CDH12: variants seen among roughly 807,000 people sequenced by gnomAD.
CDH12 encodes the protein cadherin 12, also known as cadherin-12.
In CDH12, 41 loss-of-function variants were observed where a neutral mutation model predicts 74.1. The observed-to-expected ratio is 0.55, with a 90% CI of 0.43 to 0.72. The LOEUF (loss-of-function observed/expected upper bound fraction) is 0.72. Among genes scored for constraint, CDH12 ranks in the 30% least tolerant of loss-of-function variants. The pLI is 0.00. For missense variants in CDH12, 945 were observed against 977.2 expected (o/e 0.97, Z 0.44); for synonymous variants, 399 against 355.0 (o/e 1.12, Z -1.39).
intron 8 of CDH12, among the ~76,000 whole-genome samples, chr5:21,828,807 G>A: frequency 6.6e-6 from 1 of 151,046 alleles, no homozygotes; most frequent in Non-Finnish European, 1.5e-5. Flanking sequence ...TATTCTTTCA[G>A]GGACAACCTA....
chr5:22,538,323 G>T (rs1253482912), intron 1 of CDH12, among the ~76,000 whole-genome samples: 1 of 151,992 alleles, frequency 6.6e-6, no homozygotes, highest in African/African-American at 2.4e-5. Flanking sequence ...TATTTCTCAG[G>T]CAAATTCTTC....
At chr5:21,889,552 T>C (rs1380809366) in intron 6 of CDH12, 1 of 982,908 alleles carries the variant, frequency 1.0e-6, no homozygotes, top group Non-Finnish European at 1.2e-6. Flanking sequence ...TGAAGCTGTT[T>C]TTACAGAAGC....
intron 5 of CDH12, among the ~76,000 whole-genome samples, chr5:21,979,984 T>A (rs1373322278): frequency 6.6e-6 from 1 of 151,730 alleles, no homozygotes; most frequent in Admixed American, 6.6e-5. Context: ...CCATTCTAAC[T>A]GGTGTGAGAT....
chr5:22,029,520 C>G (rs939789986), intron 5 of CDH12, among the ~76,000 whole-genome samples: 2 of 150,912 alleles, frequency 1.3e-5, no homozygotes, highest in African/African-American at 2.4e-5. Flanking sequence ...AAATGCTCAT[C>G]ATCACTGGCC....
chr5:21,893,131 A>G (rs943292727), intron 6 of CDH12, among the ~76,000 whole-genome samples: 2 of 152,176 alleles, frequency 1.3e-5, no homozygotes, highest in African/African-American at 4.8e-5. Flanking sequence ...GCTAGCAGTT[A>G]TCTCATTTGT....
intron 1 of CDH12, among the ~76,000 whole-genome samples, chr5:22,833,630 C>G (rs1385764993): frequency 2.0e-5 from 3 of 152,076 alleles, no homozygotes; most frequent in Non-Finnish European, 4.4e-5. Context: ...GTCATGGTTT[C>G]TTTTCTTTGT....
At chr5:22,434,794 A>T (rs1744312528) in intron 2 of CDH12, among the ~76,000 whole-genome samples, 1 of 152,114 alleles carries the variant, frequency 6.6e-6, no homozygotes, top group Admixed American at 6.6e-5. Context: ...TTCTCAGCAA[A>T]GTTCTTCAAT....
At chr5:22,327,099 C>T (rs764677465) in intron 3 of CDH12, among the ~76,000 whole-genome samples, 1 of 151,738 alleles carries the variant, frequency 6.6e-6, no homozygotes, top group South Asian at 2.1e-4. Context: ...TTAAAGGGCA[C>T]GAGGGTGCAG....
intron 10 of CDH12, among the ~76,000 whole-genome samples, chr5:21,798,924 G>A (rs1056166892): frequency 6.6e-6 from 1 of 152,144 alleles, no homozygotes; most frequent in South Asian, 2.1e-4. Flanking sequence ...TAAAAATGTA[G>A]AAGTGGCTCT....
intron 1 of CDH12, among the ~76,000 whole-genome samples, chr5:22,636,949 G>A (rs576089690): frequency 6.6e-6 from 1 of 152,072 alleles, no homozygotes; most frequent in Admixed American, 6.5e-5. Flanking sequence ...ATTTCATATC[G>A]GTTTTATTTA....
intron 1 of CDH12, among the ~76,000 whole-genome samples, chr5:22,789,345 T>A (rs866817091): frequency 2.6e-5 from 4 of 151,826 alleles, no homozygotes; most frequent in Non-Finnish European, 1.5e-5. Context: ...AGTGACATAA[T>A]AAAGAACAAA....
intron 4 of CDH12, among the ~76,000 whole-genome samples, chr5:22,125,286 G>A (rs1172968811): frequency 2.6e-5 from 4 of 151,980 alleles, no homozygotes; most frequent in Non-Finnish European, 4.4e-5. Flanking sequence ...ACAGGCCTCG[G>A]TGTATGATGT....
At chr5:22,672,069 TTA>T (rs1323457108) in intron 1 of CDH12, among the ~76,000 whole-genome samples, 2 of 137,876 alleles carry the variant, frequency 1.5e-5, no homozygotes, top group African/African-American at 2.7e-5. Context: ...TATTTATTCT[TTA>T]TATATAATAT....
At chr5:22,664,321 A>G (rs6882492) in intron 1 of CDH12, among the ~76,000 whole-genome samples, 103,899 of 152,030 alleles carry the variant, frequency 0.68, 35,670 homozygotes, top group Admixed American at 0.74. Context: ...GGCTGGGGAT[A>G]CCTCAGGAAA....
At chr5:22,122,596 G>C (rs1745587805) in intron 4 of CDH12, among the ~76,000 whole-genome samples, 1 of 152,052 alleles carries the variant, frequency 6.6e-6, no homozygotes, top group Non-Finnish European at 1.5e-5. Flanking sequence ...ACATTAATTT[G>C]GTTATAAGCC....
intron 1 of CDH12, chr5:22,580,295 G>A (rs936987840): frequency 3.8e-5 from 15 of 397,410 alleles, no homozygotes; most frequent in African/African-American, 6.1e-5. Flanking sequence ...AGAGGTCGTC[G>A]ATGTCAAGCT....
chr5:22,699,268 G>T, intron 1 of CDH12, among the ~76,000 whole-genome samples: 1 of 151,536 alleles, frequency 6.6e-6, no homozygotes, highest in African/African-American at 2.4e-5. Flanking sequence ...CTTTAATGTT[G>T]TGGTTTAACT....
At chr5:22,617,922 T>C (rs1014074937) in intron 1 of CDH12, among the ~76,000 whole-genome samples, 1 of 152,102 alleles carries the variant, frequency 6.6e-6, no homozygotes, top group African/African-American at 2.4e-5. Context: ...TTAGAGGTAA[T>C]AACAATAACT....
intron 1 of CDH12, among the ~76,000 whole-genome samples, chr5:22,729,412 A>C (rs1225326735): frequency 6.6e-6 from 1 of 151,874 alleles, no homozygotes; most frequent in South Asian, 2.1e-4. Context: ...ATTACATTGC[A>C]CTACCTGGGT....
Sources: allele counts gnomAD v4.1 joint callset (sites outside exome capture counted in the v4.1 genomes callset), GRCh38; gene constraint gnomAD v4.1.1; transcripts MANE v1.5; gene names NCBI Gene and HGNC (gene_info 2026-07-23, HGNC 2026-07-21).